The following CABIN1 variants were observed in gnomAD, a reference collection of about 807,000 sequenced individuals.
The protein encoded by CABIN1 is calcineurin-binding protein cabin-1.
Under a neutral mutation model 227.7 loss-of-function variants are expected in CABIN1, and 133 were observed. That is an observed-to-expected ratio of 0.58 (90% CI 0.51 to 0.67). The LOEUF (loss-of-function observed/expected upper bound fraction) is 0.67. Ranked by LOEUF, CABIN1 falls within the 30% of genes least tolerant of loss-of-function variation. The probability of loss-of-function intolerance (pLI) is 0.00; values close to 1 mark genes in which losing one functional copy is unlikely to be tolerated. For missense variants in CABIN1, 2,408 were observed against 2,852.5 expected, an observed-to-expected ratio of 0.84 and a Z score of 3.55; for synonymous variants, 1,086 against 1,155.1, an observed-to-expected ratio of 0.94 and a Z score of 1.21.
intron 30 of CABIN1, among the ~76,000 whole-genome samples, chr22:24,165,253 G>A (rs949614481): frequency 6.6e-6 from 1 of 152,230 alleles, no homozygotes; most frequent in African/African-American, 2.4e-5. Flanking sequence ...CAGACCTGAG[G>A]GAGCAGCTAT....
chr22:24,046,514 T>C (rs933721314), intron 6 of CABIN1, among the ~76,000 whole-genome samples: 21 of 152,166 alleles, frequency 1.4e-4, no homozygotes, highest in African/African-American at 4.8e-4. Flanking sequence ...GGGTTCAGCC[T>C]TCCTTCCTCA....
chr22:24,097,089 G>A (rs923021191), intron 25 of CABIN1, among the ~76,000 whole-genome samples: 20 of 152,238 alleles, frequency 1.3e-4, no homozygotes, highest in African/African-American at 4.6e-4. Context: ...GTGGGCAGCC[G>A]CTGTGCTCAG....
intron 1 of CABIN1, among the ~76,000 whole-genome samples, chr22:24,033,796 A>C (rs930173986): frequency 1.3e-5 from 2 of 152,240 alleles, no homozygotes; most frequent in African/African-American, 2.4e-5. Flanking sequence ...CCTAAAGTGT[A>C]CAAATTCAGT....
At chr22:24,059,803 A>G (rs901785396) in intron 11 of CABIN1, 121 bp from the exon 12 acceptor site, 1 of 874,140 alleles carries the variant, frequency 1.1e-6, no homozygotes, top group Non-Finnish European at 1.9e-6. Context: ...ACGTGGTATC[A>G]TGTCCACCTG....
At chr22:24,067,504 T>A (rs975315083) in intron 16 of CABIN1, among the ~76,000 whole-genome samples, 1 of 152,230 alleles carries the variant, frequency 6.6e-6, no homozygotes, top group African/African-American at 2.4e-5. Context: ...TCATCCATCT[T>A]GTTTTGTATT....
intron 28 of CABIN1, among the ~76,000 whole-genome samples, chr22:24,119,997 C>G (rs780157557): frequency 6.6e-6 from 1 of 152,184 alleles, no homozygotes; most frequent in African/African-American, 2.4e-5. Context: ...ACTACTCTTT[C>G]CTGTGAGGGC....
At chr22:24,098,398 A>G (rs1269511090) in intron 26 of CABIN1, 1 of 1,113,428 alleles carries the variant, frequency 9.0e-7, no homozygotes, top group Non-Finnish European at 1.3e-6. Flanking sequence ...GCCACCTGCC[A>G]GCTTGCCCAC....
chr22:24,122,542 T>C (rs2043478422), intron 28 of CABIN1, among the ~76,000 whole-genome samples: 1 of 152,094 alleles, frequency 6.6e-6, no homozygotes, highest in Non-Finnish European at 1.5e-5. Context: ...ATCTTGTCTA[T>C]ACTAAAAATA....
intron 27 of CABIN1, among the ~76,000 whole-genome samples, chr22:24,116,192 A>C (rs2043076171): frequency 6.6e-6 from 1 of 152,238 alleles, no homozygotes; most frequent in South Asian, 2.1e-4. Flanking sequence ...GAGCTTCAAA[A>C]AAAAAAGTCT....
chr22:24,067,297 A>T, intron 16 of CABIN1, 116 bp downstream of exon 16: 4 of 1,069,218 alleles, frequency 3.7e-6, no homozygotes, highest in Non-Finnish European at 5.6e-6. Flanking sequence ...AAGAGAGTGG[A>T]TGTCAAAACC....
chr22:24,074,099 C>T (rs908159733), intron 18 of CABIN1, among the ~76,000 whole-genome samples: 1 of 151,682 alleles, frequency 6.6e-6, no homozygotes, highest in South Asian at 2.1e-4. Flanking sequence ...CATTGTTCTC[C>T]AAAAGGATTT....
intron 8 of CABIN1, among the ~76,000 whole-genome samples, chr22:24,051,417 C>T (rs559941719): frequency 2.0e-5 from 3 of 152,182 alleles, no homozygotes; most frequent in South Asian, 2.1e-4. Flanking sequence ...GGGAGCCCTG[C>T]GAGATGGGCC....
chr22:24,092,621 T>G (rs2041620552), intron 24 of CABIN1, among the ~76,000 whole-genome samples: 1 of 151,782 alleles, frequency 6.6e-6, no homozygotes, highest in Non-Finnish European at 1.5e-5. Flanking sequence ...GCAAGCCTCT[T>G]GGAGTGTGGA....
At chr22:24,060,863 G>A (rs1053792709) in intron 12 of CABIN1, among the ~76,000 whole-genome samples, 2 of 151,946 alleles carry the variant, frequency 1.3e-5, no homozygotes, top group Non-Finnish European at 2.9e-5. Context: ...TGGCGCCACC[G>A]CACTCCAGCC....
intron 12 of CABIN1, among the ~76,000 whole-genome samples, chr22:24,060,772 C>T (rs919236529): frequency 3.3e-5 from 5 of 151,904 alleles, no homozygotes; most frequent in Non-Finnish European, 5.9e-5. Flanking sequence ...CCACCACACC[C>T]GGTTATAGTC....
intron 28 of CABIN1, among the ~76,000 whole-genome samples, chr22:24,133,334 G>A (rs2044191120): frequency 6.6e-6 from 1 of 152,256 alleles, no homozygotes; most frequent in Non-Finnish European, 1.5e-5. Context: ...TGATGATTAG[G>A]GGAATGGTTC....
chr22:24,111,224 A>T (rs1477315073), intron 26 of CABIN1, among the ~76,000 whole-genome samples: 1 of 152,224 alleles, frequency 6.6e-6, no homozygotes, highest in East Asian at 1.9e-4. Flanking sequence ...GCCCAGCCTC[A>T]TCTAAACATG....
rs5760190 is a variant in CABIN1, at chr22:24,050,627, T to G, written c.657-198T>G. ...TGAATTGTCAAAGGAACAAAGAATA[T>G]TAGTCATTTCTAGTGTATGTGGGTA... On this transcript the variant is annotated intron_variant, in intron 7 of 36. Coordinates refer to ENST00000263119, the MANE Select transcript of CABIN1 (RefSeq NM_012295.4). 3.9e-4 allele frequency among the ~76,000 whole-genome samples: 60 copies of G among 152,330 alleles called. No homozygotes were observed. In the East Asian group the frequency reaches 0.01, roughly 26 times the overall value.
chr22:24,020,494 A>C (rs2035643062), intron 1 of CABIN1, among the ~76,000 whole-genome samples: 1 of 151,664 alleles, frequency 6.6e-6, no homozygotes, highest in African/African-American at 2.4e-5. Flanking sequence ...GCTAATTTTA[A>C]AATTTTTTTT....
Sources: gnomAD v4.1 joint callset for allele counts (sites outside exome capture counted in the v4.1 genomes callset) on GRCh38, gnomAD v4.1.1 for gene constraint, MANE v1.5 for transcripts, NCBI Gene and HGNC (gene_info 2026-07-23, HGNC 2026-07-21) for gene names.